Variants in GRB14 observed in about 807,000 individuals in gnomAD.
GRB14 encodes growth factor receptor bound protein 14, also known as growth factor receptor-bound protein 14.
A neutral mutation model predicts 69.1 loss-of-function variants in GRB14; 38 were observed. The ratio of observed to expected loss-of-function variants is 0.55; its 90% CI spans 0.42 to 0.72. GRB14 has a LOEUF of 0.72. Ranked by LOEUF, GRB14 falls within the 30% of genes least tolerant of loss-of-function variation. The probability of loss-of-function intolerance (pLI) is 0.00; values close to 1 mark genes in which losing one functional copy is unlikely to be tolerated. For synonymous variants in GRB14, 247 were observed against 241.3 expected, an observed-to-expected ratio of 1.02 and a Z score of -0.22; for missense variants, 666 against 666.1, an observed-to-expected ratio of 1.00 and a Z score of 0.00.
chr2:164,509,871 A>C (rs916208844), intron 6 of GRB14, among the ~76,000 whole-genome samples: 43 of 151,938 alleles, frequency 2.8e-4, no homozygotes, highest in African/African-American at 9.6e-4. Flanking sequence ...TCCAAAAACC[A>C]AAAGAATCTT....
In GRB14 at chr2:164,517,253, G is replaced by A. The variant is rs139183714; in HGVS notation, c.816+4727C>T. On this transcript the variant is annotated intron_variant, in intron 6 of 13. Coordinates refer to ENST00000263915, the MANE Select transcript of GRB14 (RefSeq NM_004490.3). ...TCTTGTGAGACTTATTCACTATCAC[G>A]AGAATAGCATGGGAATGACCTGCTC... Among the ~76,000 whole-genome samples, 12 of 152,084 alleles carry A rather than the reference G, an allele frequency of 7.9e-5. No homozygotes were observed. In the East Asian group the frequency reaches 1.9e-3, roughly 25 times the overall value.
intron 2 of GRB14, among the ~76,000 whole-genome samples, chr2:164,571,627 G>C (rs1377445878): frequency 6.6e-6 from 1 of 152,050 alleles, no homozygotes; most frequent in Non-Finnish European, 1.5e-5. Flanking sequence ...ATTTATGTGA[G>C]CACCCATTAT....
At chr2:164,545,369 T>C (rs949058208) in intron 3 of GRB14, among the ~76,000 whole-genome samples, 1 of 152,058 alleles carries the variant, frequency 6.6e-6, no homozygotes, top group Non-Finnish European at 1.5e-5. Flanking sequence ...ATGGAGATTA[T>C]CCTGAATTAT....
chr2:164,515,509 G>C (rs1687458484), intron 6 of GRB14, among the ~76,000 whole-genome samples: 1 of 152,200 alleles, frequency 6.6e-6, no homozygotes, highest in Non-Finnish European at 1.5e-5. Context: ...CCTAGGGGAA[G>C]AGGGAGAGCA....
intron 2 of GRB14, among the ~76,000 whole-genome samples, chr2:164,591,070 C>T (rs1689649226): frequency 6.6e-6 from 1 of 152,208 alleles, no homozygotes; most frequent in East Asian, 1.9e-4. Flanking sequence ...AGATTATGCA[C>T]AGAAATTCTG....
chr2:164,536,258 T>C (rs1039547023), intron 3 of GRB14, among the ~76,000 whole-genome samples: 7 of 152,220 alleles, frequency 4.6e-5, no homozygotes, highest in Non-Finnish European at 1.0e-4. Context: ...CCCAGCTCCA[T>C]GGAATTACTG....
At chr2:164,531,421 T>C (rs1435714948) in intron 3 of GRB14, among the ~76,000 whole-genome samples, 3 of 152,246 alleles carry the variant, frequency 2.0e-5, no homozygotes, top group African/African-American at 4.8e-5. Context: ...TGCCAACCTG[T>C]GTTTCCTTGG....
At chr2:164,554,717 G>A (rs1444253191) in intron 2 of GRB14, among the ~76,000 whole-genome samples, 4 of 152,090 alleles carry the variant, frequency 2.6e-5, no homozygotes, top group Non-Finnish European at 4.4e-5. Flanking sequence ...GCCCTTGCAG[G>A]GATATGCTGG....
chr2:164,618,763 TAAAG>T (rs1690369822), intron 2 of GRB14, among the ~76,000 whole-genome samples: 1 of 152,152 alleles, frequency 6.6e-6, no homozygotes, highest in Non-Finnish European at 1.5e-5. Flanking sequence ...TTAGAAGCAA[TAAAG>T]GTGCAGAAAT....
chr2:164,569,190 A>C (rs1302497164), intron 2 of GRB14, among the ~76,000 whole-genome samples: 1 of 152,214 alleles, frequency 6.6e-6, no homozygotes, highest in Non-Finnish European at 1.5e-5. Context: ...AACCACTGCC[A>C]AAACTTTCTC....
At chr2:164,546,349 A>G (rs1678398719) in intron 3 of GRB14, among the ~76,000 whole-genome samples, 1 of 152,198 alleles carries the variant, frequency 6.6e-6, no homozygotes, top group African/African-American at 2.4e-5. Flanking sequence ...GAAAATCTTC[A>G]CCATAGGATC....
At chr2:164,612,873 A>T (rs1690200011) in intron 2 of GRB14, among the ~76,000 whole-genome samples, 1 of 152,208 alleles carries the variant, frequency 6.6e-6, no homozygotes, top group Admixed American at 6.5e-5. Context: ...ATTAACCAAA[A>T]ATTAAAGGCA....
chr2:164,604,184 C>T (rs1689991650), intron 2 of GRB14, among the ~76,000 whole-genome samples: 1 of 152,156 alleles, frequency 6.6e-6, no homozygotes, highest in African/African-American at 2.4e-5. Flanking sequence ...CCTAGTAGAA[C>T]TGAACATGCA....
intron 2 of GRB14, among the ~76,000 whole-genome samples, chr2:164,555,630 A>G (rs1037739363): frequency 4.0e-5 from 6 of 150,368 alleles, no homozygotes; most frequent in African/African-American, 7.3e-5. Flanking sequence ...TAATTTAAAT[A>G]TTATATTTAT....
intron 2 of GRB14, among the ~76,000 whole-genome samples, chr2:164,576,512 T>G (rs1041491146): frequency 6.6e-6 from 1 of 151,830 alleles, no homozygotes; most frequent in Non-Finnish European, 1.5e-5. Context: ...GAAAAATCAC[T>G]AATCAATCTG....
At chr2:164,600,666 T>C (rs779643206) in intron 2 of GRB14, among the ~76,000 whole-genome samples, 1 of 152,184 alleles carries the variant, frequency 6.6e-6, no homozygotes, top group African/African-American at 2.4e-5. Flanking sequence ...ATATGCCCAC[T>C]GGGGTTTGAG....
chr2:164,549,183 C>CG (rs1181213331), intron 2 of GRB14, among the ~76,000 whole-genome samples: 1 of 151,978 alleles, frequency 6.6e-6, no homozygotes, highest in Non-Finnish European at 1.5e-5. Context: ...CCCAGTCCTT[C>CG]GCTCATTTTT....
At chr2:164,581,599 C>A (rs1295139917) in intron 2 of GRB14, among the ~76,000 whole-genome samples, 2 of 152,268 alleles carry the variant, frequency 1.3e-5, no homozygotes, top group African/African-American at 4.8e-5. Context: ...AAATGAAGCC[C>A]CGCTGAGATC....
chr2:164,544,529 A>G lies in GRB14; in HGVS notation c.481+3131T>C, dbSNP rs1688317159. On this transcript the variant is annotated intron_variant, in intron 3 of 13. Transcript: ENST00000263915. ...GGGCAGATATCTATTGAGAATTAAC[A>G]CCATACTTCTAGGAGATTAATTATC... 2.0e-5 allele frequency among the ~76,000 whole-genome samples: 3 copies of G among 152,364 alleles called. No homozygotes were observed. In the South Asian group the frequency reaches 6.2e-4, roughly 32 times the overall value.
Sources: allele counts gnomAD v4.1 joint callset (sites outside exome capture counted in the v4.1 genomes callset), GRCh38; gene constraint gnomAD v4.1.1; transcripts MANE v1.5; gene names NCBI Gene and HGNC (gene_info 2026-07-23, HGNC 2026-07-21).